SOX5: variants seen among roughly 807,000 people sequenced by gnomAD.
SOX5 encodes SRY-box transcription factor 5.
In SOX5, 9 loss-of-function variants were observed where a neutral mutation model predicts 92.0. That is an observed-to-expected ratio of 0.10 (90% confidence interval 0.06 to 0.17). The LOEUF (loss-of-function observed/expected upper bound fraction) is 0.17, where lower values mean the gene tolerates loss of function less well. Among genes scored for constraint, SOX5 ranks in the 10% least tolerant of loss-of-function variants. SOX5 has a pLI of 1.00. For synonymous variants in SOX5, 344 were observed against 336.3 expected, an observed-to-expected ratio of 1.02 and a Z score of -0.25; for missense variants, 642 against 944.5, an observed-to-expected ratio of 0.68 and a Z score of 4.20.
chr12:23,625,406 T>C (rs908642442), intron 8 of SOX5, among the ~76,000 whole-genome samples: 3 of 152,170 alleles, frequency 2.0e-5, no homozygotes, highest in Non-Finnish European at 2.9e-5. Context: ...TACAAAGAGA[T>C]GAAATATGGA....
At chr12:24,119,001 A>T (rs2138288268) in intron 4 of SOX5, among the ~76,000 whole-genome samples, 1 of 152,196 alleles carries the variant, frequency 6.6e-6, no homozygotes, top group East Asian at 1.9e-4. Flanking sequence ...GTATCCCTTA[A>T]CTATTTTGGG....
At chr12:23,714,611 AGT>A (rs987447348) in intron 6 of SOX5, among the ~76,000 whole-genome samples, 1 of 152,048 alleles carries the variant, frequency 6.6e-6, no homozygotes, top group Non-Finnish European at 1.5e-5. Flanking sequence ...ACAGAGTGAA[AGT>A]GTGTCTCAAA....
At chr12:24,244,060 AAAAAAAG>A (rs1253354348) in intron 3 of SOX5, among the ~76,000 whole-genome samples, 1 of 151,952 alleles carries the variant, frequency 6.6e-6, no homozygotes, top group Non-Finnish European at 1.5e-5. Flanking sequence ...AAAAAAAAAA[AAAAAAAG>A]AAAAGGTTGG....
At chr12:24,534,752 G>T (rs2138702023) in intron 1 of SOX5, among the ~76,000 whole-genome samples, 1 of 152,322 alleles carries the variant, frequency 6.6e-6, no homozygotes, top group South Asian at 2.1e-4. Flanking sequence ...TGCATCCAAA[G>T]CCTCTCCTAG....
Position 23,530,908 on chromosome 12 carries a change from A to G in SOX5, c.*3311T>C, listed in dbSNP as rs1284386273. 1 of 149,660 alleles carries G rather than the reference A, an allele frequency of 6.7e-6. No individual in the cohort carries two copies. Among genetic ancestry groups the G allele is most frequent in the Non-Finnish European group, 1.5e-5 (1 of 67,330 alleles). 9.3% of individuals were successfully genotyped at this position (149,660 alleles called of 1,614,324 possible). ...AGGTAAGAAAGCAGACAGGAAGGAG[A>G]CTGTTTATGTTTTAGTTTGATCTTT... On this transcript the variant is annotated 3_prime_UTR_variant, in exon 15 of 15. Transcript: ENST00000451604.
chr12:24,455,831 C>T (rs1942953363), intron 1 of SOX5, among the ~76,000 whole-genome samples: 1 of 152,110 alleles, frequency 6.6e-6, no homozygotes, highest in Non-Finnish European at 1.5e-5. Flanking sequence ...CACTCCCAAG[C>T]GATTCTTCCC....
At chr12:23,834,991 T>C (rs78337797) in intron 3 of SOX5, among the ~76,000 whole-genome samples, 2 of 151,832 alleles carry the variant, frequency 1.3e-5, no homozygotes, top group African/African-American at 2.4e-5. Flanking sequence ...GTTCTTGACA[T>C]GGTAAAAATT....
intron 9 of SOX5, among the ~76,000 whole-genome samples, chr12:23,600,550 T>TATAC (rs1376721917): frequency 2.4e-5 from 3 of 126,828 alleles, no homozygotes; most frequent in Non-Finnish European, 3.4e-5. Context: ...TATATATATA[T>TATAC]ATACACATAC....
chr12:24,054,795 G>A (rs1957932618), intron 4 of SOX5, among the ~76,000 whole-genome samples: 1 of 152,228 alleles, frequency 6.6e-6, no homozygotes, highest in Admixed American at 6.5e-5. Context: ...GACGTTCTAT[G>A]AAAGTCAAGT....
intron 4 of SOX5, among the ~76,000 whole-genome samples, chr12:24,190,938 TTAAGA>T (rs1436418954): frequency 9.2e-5 from 14 of 152,258 alleles, no homozygotes; most frequent in Non-Finnish European, 1.0e-4. Context: ...CTTCTTTTAA[TTAAGA>T]TAAAATTTAA....
chr12:24,476,915 C>T (rs914218791), intron 1 of SOX5, among the ~76,000 whole-genome samples: 1 of 145,674 alleles, frequency 6.9e-6, no homozygotes, highest in Non-Finnish European at 1.5e-5. Flanking sequence ...GTAATCGAAG[C>T]ACTTTGGGAG....
chr12:24,532,351 T>A (rs1257276563), intron 1 of SOX5, among the ~76,000 whole-genome samples: 1 of 152,216 alleles, frequency 6.6e-6, no homozygotes, highest in African/African-American at 2.4e-5. Context: ...CTTCTCAACA[T>A]GCAGACTGAC....
intron 2 of SOX5, among the ~76,000 whole-genome samples, chr12:23,870,423 A>G (rs1353436311): frequency 6.6e-6 from 1 of 152,120 alleles, no homozygotes; most frequent in Non-Finnish European, 1.5e-5. Context: ...AAGGAAAAAA[A>G]TATTTTTACT....
At chr12:23,719,961 A>T (rs2092724310) in intron 6 of SOX5, among the ~76,000 whole-genome samples, 1 of 152,156 alleles carries the variant, frequency 6.6e-6, no homozygotes. Flanking sequence ...GAGGAACAAA[A>T]ATGATATGAG....
At chr12:24,273,032 A>T (rs1943967379) in intron 3 of SOX5, among the ~76,000 whole-genome samples, 1 of 152,200 alleles carries the variant, frequency 6.6e-6, no homozygotes, top group African/African-American at 2.4e-5. Flanking sequence ...CAGGAGTTTG[A>T]GACCAGCCTG....
At chr12:24,255,735 A>G (rs1344880925) in intron 3 of SOX5, among the ~76,000 whole-genome samples, 1 of 152,216 alleles carries the variant, frequency 6.6e-6, no homozygotes, top group Non-Finnish European at 1.5e-5. Context: ...CTCATCCAAA[A>G]AATGAAATAA....
At chr12:23,801,002 T>C (rs12810546) in intron 3 of SOX5, among the ~76,000 whole-genome samples, 16,601 of 152,162 alleles carry the variant, frequency 0.11, 1,110 homozygotes, top group Non-Finnish European at 0.15. Flanking sequence ...GGCCAAACCT[T>C]GAGAGATGCT....
intron 6 of SOX5, among the ~76,000 whole-genome samples, chr12:23,731,508 G>C (rs571104474): frequency 6.6e-6 from 1 of 152,068 alleles, no homozygotes; most frequent in African/African-American, 2.4e-5. Context: ...ATACAAACTT[G>C]TTCATGCTTT....
At chr12:24,127,265 C>T (rs1391133397) in intron 4 of SOX5, among the ~76,000 whole-genome samples, 1 of 151,642 alleles carries the variant, frequency 6.6e-6, no homozygotes, top group Non-Finnish European at 1.5e-5. Flanking sequence ...GTGGCGCATG[C>T]CTGTAGTCCC....
Sources: gnomAD v4.1 joint callset for allele counts (sites outside exome capture counted in the v4.1 genomes callset) on GRCh38, gnomAD v4.1.1 for gene constraint, MANE v1.5 for transcripts, NCBI Gene and HGNC (gene_info 2026-07-23, HGNC 2026-07-21) for gene names.